CRYBG1: variants seen among roughly 807,000 people sequenced by gnomAD.
CRYBG1 encodes beta/gamma crystallin domain-containing protein 1.
CRYBG1 carries 139 observed loss-of-function variants against 189.2 expected under a neutral mutation model. That is an observed-to-expected ratio of 0.73 (90% confidence interval 0.64 to 0.85). CRYBG1 has a LOEUF of 0.85. Among genes scored for constraint, CRYBG1 ranks in the 40% least tolerant of loss-of-function variants. The pLI, the probability that CRYBG1 is intolerant of heterozygous loss-of-function variation, is 0.00. For synonymous variants in CRYBG1, 1,023 were observed against 1,017.1 expected (o/e 1.01, Z -0.11); for missense variants, 2,611 against 2,675.8 (o/e 0.98, Z 0.53).
At chr6:106,549,320 C>T (rs1232471106) in intron 13 of CRYBG1, among the ~76,000 whole-genome samples, 1 of 152,162 alleles carries the variant, frequency 6.6e-6, no homozygotes, top group African/African-American at 2.4e-5. Context: ...GGCCCACTCT[C>T]CTACTTACAC....
chr6:106,422,707 A>G (rs61128901), intron 1 of CRYBG1, among the ~76,000 whole-genome samples: 485 of 152,304 alleles, frequency 3.2e-3, no homozygotes, highest in African/African-American at 0.011. Context: ...TTCATGTTGC[A>G]TGCCTTCATT....
At chr6:106,551,712 G>T in intron 13 of CRYBG1, 140 bp from the exon 14 acceptor site, 1 of 911,708 alleles carries the variant, frequency 1.1e-6, no homozygotes, top group Non-Finnish European at 1.7e-6. Flanking sequence ...TGCTTCTAAA[G>T]GTTAATGGAG....
chr6:106,480,450 G>A (rs762885079), intron 2 of CRYBG1, among the ~76,000 whole-genome samples: 7 of 150,658 alleles, frequency 4.6e-5, no homozygotes, highest in Non-Finnish European at 7.4e-5. Flanking sequence ...AGATCACGAC[G>A]TCAGGAGATT....
chr6:106,444,337 T>A (rs1168265825), intron 1 of CRYBG1, among the ~76,000 whole-genome samples: 1 of 152,206 alleles, frequency 6.6e-6, no homozygotes, highest in African/African-American at 2.4e-5. Flanking sequence ...AAAAATGCCA[T>A]GACCTTCAGC....
intron 15 of CRYBG1, 96 bp from the exon 16 acceptor site, chr6:106,553,359 A>G (rs1012865346): frequency 2.3e-5 from 17 of 747,084 alleles, no homozygotes; most frequent in South Asian, 8.6e-5. Context: ...CTGTAACAAA[A>G]GTCAGCAGGT....
intron 1 of CRYBG1, among the ~76,000 whole-genome samples, chr6:106,383,977 A>G (rs1770335746): frequency 6.6e-6 from 1 of 152,222 alleles, no homozygotes; most frequent in South Asian, 2.1e-4. Flanking sequence ...TTCCTTGTTC[A>G]TAAACTGCAT....
chr6:106,398,002 ATAAGTACCAAAATACAT>A (rs1384541823), intron 1 of CRYBG1, among the ~76,000 whole-genome samples: 1 of 152,162 alleles, frequency 6.6e-6, no homozygotes, highest in African/African-American at 2.4e-5. Flanking sequence ...TAGTTTATCA[ATAAGTACCAAAATACAT>A]TAAGTACCAA....
intron 1 of CRYBG1, among the ~76,000 whole-genome samples, chr6:106,400,207 T>C (rs1770695845): frequency 1.3e-5 from 2 of 151,144 alleles, no homozygotes; most frequent in Admixed American, 1.3e-4. Flanking sequence ...CTCAAACTCC[T>C]GGGCTCGAGT....
At chr6:106,459,961 C>T (rs1771971395) in intron 2 of CRYBG1, among the ~76,000 whole-genome samples, 1 of 152,100 alleles carries the variant, frequency 6.6e-6, no homozygotes, top group Non-Finnish European at 1.5e-5. Context: ...CCTGTTGGTA[C>T]CTCATTGTTT....
chr6:106,534,967 G>T (rs1003444781), intron 8 of CRYBG1, among the ~76,000 whole-genome samples: 1 of 152,314 alleles, frequency 6.6e-6, no homozygotes, highest in Middle Eastern at 3.4e-3. Context: ...CCAGACTAGG[G>T]TTAGCTGTTA....
intron 1 of CRYBG1, among the ~76,000 whole-genome samples, chr6:106,392,345 C>T (rs1414701660): frequency 6.6e-6 from 1 of 152,164 alleles, no homozygotes; most frequent in African/African-American, 2.4e-5. Flanking sequence ...GGGAATCTCC[C>T]GCTCTCCTCA....
At chr6:106,382,822 G>T (rs1770311409) in intron 1 of CRYBG1, among the ~76,000 whole-genome samples, 1 of 152,146 alleles carries the variant, frequency 6.6e-6, no homozygotes, top group Admixed American at 6.6e-5. Context: ...CCATACACTT[G>T]TGATTATTAT....
intron 1 of CRYBG1, among the ~76,000 whole-genome samples, chr6:106,370,122 G>A (rs1252658482): frequency 6.6e-6 from 1 of 152,174 alleles, no homozygotes; most frequent in South Asian, 2.1e-4. Flanking sequence ...ATAGTGGAAA[G>A]AAATATGTTA....
At chr6:106,502,628 G>T (rs1014072014) in intron 2 of CRYBG1, among the ~76,000 whole-genome samples, 1 of 152,230 alleles carries the variant, frequency 6.6e-6, no homozygotes, top group African/African-American at 2.4e-5. Context: ...AAAAGAGAAT[G>T]TTGGGGAGAC....
intron 21 of CRYBG1, among the ~76,000 whole-genome samples, chr6:106,564,474 G>A (rs980026234): frequency 6.6e-6 from 1 of 152,216 alleles, no homozygotes; most frequent in African/African-American, 2.4e-5. Flanking sequence ...AATAGGGAGT[G>A]AACTGATGGT....
In CRYBG1 at chr6:106,458,334, A is replaced by G. The variant is rs13196386; in HGVS notation, c.312+6502A>G. ...TTTCCCATGCCTACAAAGTTTTTCCATTTTTTATGCAGCTGCAGTCTTCTA... is the reference window on the plus strand; with the variant it reads ...TTTCCCATGCCTACAAAGTTTTTCCGTTTTTTATGCAGCTGCAGTCTTCTA... On this transcript the variant is annotated intron_variant, in intron 2 of 21. Transcript: ENST00000633556. Among the ~76,000 whole-genome samples, 1,371 of 152,146 alleles carry G rather than the reference A, an allele frequency of 9.0e-3. 6 individuals carry two copies. Among genetic ancestry groups the G allele is most frequent in the Non-Finnish European group, 0.015 (1,036 of 67,986 alleles).
chr6:106,551,209 C>T (rs1052036079), intron 13 of CRYBG1, among the ~76,000 whole-genome samples: 1 of 152,048 alleles, frequency 6.6e-6, no homozygotes, highest in South Asian at 2.1e-4. Context: ...TGTTTAGCTC[C>T]CACTTATGGG....
chr6:106,496,818 G>C (rs1772861661), intron 2 of CRYBG1, among the ~76,000 whole-genome samples: 1 of 152,158 alleles, frequency 6.6e-6, no homozygotes, highest in African/African-American at 2.4e-5. Context: ...ACAGCGTAGT[G>C]GCTAGTGAGA....
intron 2 of CRYBG1, among the ~76,000 whole-genome samples, chr6:106,460,153 A>AT (rs34524124): frequency 1.8e-4 from 27 of 149,456 alleles, no homozygotes; most frequent in South Asian, 2.1e-4. Context: ...CGCCCGGCTA[A>AT]TTTTTTTTTT....
Sources: gnomAD v4.1 joint callset for allele counts (sites outside exome capture counted in the v4.1 genomes callset) on GRCh38, gnomAD v4.1.1 for gene constraint, MANE v1.5 for transcripts, NCBI Gene and HGNC (gene_info 2026-07-23, HGNC 2026-07-21) for gene names.